Variants in GRM8 observed in about 807,000 individuals in gnomAD.
GRM8 encodes metabotropic glutamate receptor 8.
Under a neutral mutation model 87.2 loss-of-function variants are expected in GRM8, and 47 were observed. The observed-to-expected ratio is 0.54, with a 90% confidence interval of 0.43 to 0.69. GRM8 has a LOEUF of 0.69. GRM8 is among the 30% of genes least tolerant of loss of function. The pLI is 0.00. For missense variants in GRM8, 1,019 were observed against 1,139.2 expected (o/e 0.89, Z 1.52); for synonymous variants, 396 against 404.5 (o/e 0.98, Z 0.25).
At chr7:126,640,138 C>T (rs1023804933) in intron 7 of GRM8, among the ~76,000 whole-genome samples, 10 of 152,110 alleles carry the variant, frequency 6.6e-5, no homozygotes, top group African/African-American at 2.2e-4. Flanking sequence ...TCAAAAGAGT[C>T]CATTTTATAC....
rs796358716 is a variant in GRM8, at chr7:126,583,045, A to G, written c.1494+26317T>C. ...ATATCAAGGAGTAATATTGAATTTC[A>G]TGTCTTATTACTTAAGAAATGCACT... On this transcript the variant is annotated intron_variant, in intron 8 of 10. Coordinates refer to ENST00000339582, the MANE Select transcript of GRM8 (RefSeq NM_000845.3). Among the ~76,000 whole-genome samples the G allele has an allele frequency of 1.8e-4, 27 of 152,256 alleles. 1 individual carries two copies. The highest frequency in any genetic ancestry group is 6.5e-4 in the African/African-American group (27 of 41,552).
chr7:127,227,280 A>G (rs748736902), intron 2 of GRM8, among the ~76,000 whole-genome samples: 1 of 152,202 alleles, frequency 6.6e-6, no homozygotes, highest in African/African-American at 2.4e-5. Flanking sequence ...TTCCTCTGCC[A>G]AGGTACAGGA....
chr7:127,203,946 T>G lies in GRM8; in HGVS notation c.510+38749A>C, dbSNP rs17865383. On this transcript the variant is annotated intron_variant, in intron 2 of 10. Transcript: ENST00000339582. ...CTTCTTAAATGTTATTTTCATAAAG[T>G]TATATAAACGTATGTCATGCAAATA... 7.6e-3 allele frequency among the ~76,000 whole-genome samples: 1,152 copies of G among 152,242 alleles called. 15 individuals carry two copies. The highest frequency in any genetic ancestry group is 0.026 in the African/African-American group (1,089 of 41,540).
At chr7:126,583,955 C>T (rs1251252646) in intron 8 of GRM8, among the ~76,000 whole-genome samples, 1 of 152,126 alleles carries the variant, frequency 6.6e-6, no homozygotes, top group East Asian at 1.9e-4. Context: ...GCAGATAAAT[C>T]TTTCACGAAA....
At chr7:126,450,708 G>A (rs1273613111) in intron 9 of GRM8, among the ~76,000 whole-genome samples, 1 of 151,640 alleles carries the variant, frequency 6.6e-6, no homozygotes, top group Non-Finnish European at 1.5e-5. Context: ...AATCTATCAT[G>A]CAAAAGTCCA....
At chr7:126,775,453 G>A (rs1042868271) in intron 6 of GRM8, among the ~76,000 whole-genome samples, 2 of 143,012 alleles carry the variant, frequency 1.4e-5, no homozygotes, top group Non-Finnish European at 3.0e-5. Context: ...ACACTAAAGA[G>A]TGAGCGCTAT....
chr7:127,232,526 A>G (rs1406850700), intron 2 of GRM8, among the ~76,000 whole-genome samples: 1 of 152,172 alleles, frequency 6.6e-6, no homozygotes, highest in Non-Finnish European at 1.5e-5. Flanking sequence ...CTGAGATTAC[A>G]AGTGTGTGCA....
chr7:126,798,639 G>C (rs1037341243), intron 6 of GRM8, among the ~76,000 whole-genome samples: 13 of 152,120 alleles, frequency 8.5e-5, no homozygotes, highest in Non-Finnish European at 1.9e-4. Flanking sequence ...GCCTAGTAGC[G>C]GGCCTTTGTA....
chr7:126,647,517 C>T (rs17612358), intron 7 of GRM8, among the ~76,000 whole-genome samples: 46,661 of 151,840 alleles, frequency 0.31, 8,032 homozygotes, highest in East Asian at 0.43. Flanking sequence ...TATTCAACTA[C>T]GCCCCTGACA....
intron 7 of GRM8, among the ~76,000 whole-genome samples, chr7:126,679,889 G>C (rs1393939206): frequency 2.0e-5 from 3 of 152,090 alleles, no homozygotes; most frequent in African/African-American, 7.2e-5. Flanking sequence ...AAATGAGCCA[G>C]GCCAGGTGGC....
intron 7 of GRM8, among the ~76,000 whole-genome samples, chr7:126,636,094 T>C (rs542621099): frequency 6.6e-6 from 1 of 152,182 alleles, no homozygotes; most frequent in Non-Finnish European, 1.5e-5. Flanking sequence ...TGAAGCTATA[T>C]TTTTCTTCCT....
chr7:126,447,951 A>G (rs1802200890), intron 9 of GRM8, among the ~76,000 whole-genome samples: 1 of 152,000 alleles, frequency 6.6e-6, no homozygotes, highest in African/African-American at 2.4e-5. Flanking sequence ...GACCATCCCA[A>G]TGAAATAGGG....
rs572744724 is a variant in GRM8, at chr7:127,186,170, A to T, written c.510+56525T>A. Among the ~76,000 whole-genome samples the T allele has an allele frequency of 1.8e-3, 281 of 152,348 alleles. 9 individuals carry two copies. The South Asian group carries it at 0.055, about 30-fold the overall frequency. ...TAACTAGGGCAGATATCCAGGCAAG[A>T]AAAACCAGTTAGATCAGTTGTAAAT... is the stretch of plus-strand genomic sequence containing the variant. On this transcript the variant is annotated intron_variant, in intron 2 of 10. Transcript: ENST00000339582.
At chr7:127,087,691 C>G (rs1823652424) in intron 3 of GRM8, among the ~76,000 whole-genome samples, 1 of 152,068 alleles carries the variant, frequency 6.6e-6, no homozygotes, top group South Asian at 2.1e-4. Context: ...CAACGCTGCA[C>G]CCACAGTAAA....
intron 2 of GRM8, among the ~76,000 whole-genome samples, chr7:127,203,534 C>T (rs978783091): frequency 6.6e-6 from 1 of 152,024 alleles, no homozygotes; most frequent in Non-Finnish European, 1.5e-5. Context: ...ATGGTGAAAC[C>T]CTGTCTACAC....
rs200579683 is a variant in GRM8, at chr7:127,242,823, C to A, written c.382G>T (p.Ala128Ser). The change falls in exon 2 of 11, where the codon GCT (alanine) becomes TCT (serine). Residue 128 changes from alanine (A) to serine (S), a missense_variant. Ala to Ser is a moderately conservative substitution (Grantham distance 99). Transcript: ENST00000339582. ...TFVQALIEKD[A>S]SDVKCANGDP... Reference sequence around the variant, plus strand: ...CCATTAGCACACTTCACATCCGAAGCATCTTTCTCTATTAATGCCTGCACG... The same window carrying A: ...CCATTAGCACACTTCACATCCGAAGAATCTTTCTCTATTAATGCCTGCACG... 2.8e-5 allele frequency: 45 copies of A among 1,614,194 alleles called. No individual in the cohort carries two copies. The highest frequency in any genetic ancestry group is 3.4e-5 in the Non-Finnish European group (40 of 1,180,038).
intron 3 of GRM8, among the ~76,000 whole-genome samples, chr7:127,097,709 C>G (rs1171477757): frequency 6.6e-6 from 1 of 152,170 alleles, no homozygotes; most frequent in Non-Finnish European, 1.5e-5. Flanking sequence ...ACTGAGCAGA[C>G]AGGGCATCCA....
At chr7:127,195,572 A>T (rs1039202877) in intron 2 of GRM8, among the ~76,000 whole-genome samples, 3 of 152,160 alleles carry the variant, frequency 2.0e-5, no homozygotes, top group African/African-American at 4.8e-5. Context: ...CAATGTGGCC[A>T]GTTCTATCCC....
intron 6 of GRM8, among the ~76,000 whole-genome samples, chr7:126,849,505 G>A (rs1482027322): frequency 1.3e-5 from 2 of 152,272 alleles, no homozygotes; most frequent in Non-Finnish European, 2.9e-5. Context: ...GAAAGAATAA[G>A]TACATGGAAA....
Sources: gnomAD v4.1 joint callset for allele counts (sites outside exome capture counted in the v4.1 genomes callset) on GRCh38, gnomAD v4.1.1 for gene constraint, MANE v1.5 for transcripts, NCBI Gene and HGNC (gene_info 2026-07-23, HGNC 2026-07-21) for gene names.